The following RANBP9 variants were observed in gnomAD, a reference collection of about 807,000 sequenced individuals.
RANBP9 encodes ran-binding protein 9.
In RANBP9, 15 loss-of-function variants were observed where a neutral mutation model predicts 84.3. The ratio of observed to expected loss-of-function variants is 0.18; its 90% CI spans 0.12 to 0.27. The LOEUF is 0.27. Ranked by LOEUF, RANBP9 falls within the 10% of genes least tolerant of loss-of-function variation. The pLI is 1.00. For synonymous variants in RANBP9, 392 were observed against 349.6 expected, an observed-to-expected ratio of 1.12 and a Z score of -1.35; for missense variants, 809 against 912.8, an observed-to-expected ratio of 0.89 and a Z score of 1.46.
intron 12 of RANBP9, 82 bp from the exon 13 acceptor site, chr6:13,625,846 A>C: frequency 1.0e-6 from 1 of 989,220 alleles, no homozygotes; most frequent in Admixed American, 1.7e-5. Context: ...GAGAGGTAAA[A>C]TATGGCTTCC....
intron 2 of RANBP9, among the ~76,000 whole-genome samples, chr6:13,674,988 G>A (rs1291779119): frequency 2.0e-5 from 3 of 152,162 alleles, no homozygotes; most frequent in African/African-American, 4.8e-5. Context: ...ATGTGTCTGA[G>A]CCTAACAACA....
rs566698165 is a variant in RANBP9 at position 13,646,332 on chromosome 6, C to T, written c.928-1603G>A. Among the ~76,000 whole-genome samples, 92 of 152,198 alleles carry T rather than the reference C, an allele frequency of 6.0e-4. 1 individual carries two copies. The South Asian group carries it at 0.016, about 27-fold the overall frequency. ...GCTGAGGAAGGATAATCGCTTGAACCGGGGATGGGGAGGTTCTGGTGAGCC... is the reference window on the plus strand; with the variant it reads ...GCTGAGGAAGGATAATCGCTTGAACTGGGGATGGGGAGGTTCTGGTGAGCC... On this transcript the variant is annotated intron_variant, in intron 5 of 13. Transcript: ENST00000011619.
intron 10 of RANBP9, 111 bp from the exon 11 acceptor site, chr6:13,634,663 A>G (rs1764891228): frequency 9.6e-7 from 1 of 1,038,792 alleles, no homozygotes; most frequent in Non-Finnish European, 1.3e-6. Context: ...TCATAAGGCA[A>G]CAGAAATCTG....
Position 13,681,025 on chromosome 6 carries a change from G to A in RANBP9, c.683+15760C>T, listed in dbSNP as rs544287818. ...ATCAGAATAAAGATAACAGTATAGT[G>A]TATGCAAATGTTATATGCTCATAAA... On this transcript the variant is annotated intron_variant, in intron 2 of 13. Coordinates refer to ENST00000011619, the MANE Select transcript of RANBP9 (RefSeq NM_005493.3). Among the ~76,000 whole-genome samples, 14 of 152,202 alleles carry A rather than the reference G, an allele frequency of 9.2e-5. No homozygotes were observed. The East Asian group carries it at 2.5e-3, about 27-fold the overall frequency.
intron 1 of RANBP9, among the ~76,000 whole-genome samples, chr6:13,709,696 C>T (rs1431881397): frequency 1.3e-5 from 2 of 152,154 alleles, no homozygotes; most frequent in African/African-American, 4.8e-5. Flanking sequence ...TTCAACAAGG[C>T]CTATTTTTGT....
intron 2 of RANBP9, among the ~76,000 whole-genome samples, chr6:13,677,931 A>G (rs1331046833): frequency 1.3e-5 from 2 of 152,096 alleles, no homozygotes; most frequent in Admixed American, 6.6e-5. Context: ...TGGTCTGGGC[A>G]ACAAGGCAAA....
intron 2 of RANBP9, among the ~76,000 whole-genome samples, chr6:13,669,927 A>G (rs1242168118): frequency 6.6e-6 from 1 of 151,932 alleles, no homozygotes; most frequent in Non-Finnish European, 1.5e-5. Flanking sequence ...GGAAAAAACA[A>G]TCCAGTGGGG....
intron 1 of RANBP9, among the ~76,000 whole-genome samples, chr6:13,708,282 C>G (rs1353507145): frequency 6.6e-6 from 1 of 152,062 alleles, no homozygotes; most frequent in Non-Finnish European, 1.5e-5. Flanking sequence ...ACAACTTAGC[C>G]CAGCATAGTG....
intron 2 of RANBP9, among the ~76,000 whole-genome samples, chr6:13,689,970 A>ACCAGGTATGTAGTAGGTACAGC (rs2113346211): frequency 6.6e-6 from 1 of 152,284 alleles, no homozygotes; most frequent in Admixed American, 6.5e-5. Flanking sequence ...TGTTGGACAG[A>ACCAGGTATGTAGTAGGTACAGC]CCAGGTATGT....
chr6:13,650,170 T>G (rs1765264896), intron 5 of RANBP9, among the ~76,000 whole-genome samples: 1 of 151,248 alleles, frequency 6.6e-6, no homozygotes, highest in Non-Finnish European at 1.5e-5. Flanking sequence ...TTTTTTGTTT[T>G]TTTTTTTTTT....
At chr6:13,634,348 A>T in intron 11 of RANBP9, 83 bp downstream of exon 11, 1 of 1,487,636 alleles carries the variant, frequency 6.7e-7, no homozygotes, top group Non-Finnish European at 9.1e-7. Context: ...GTTTATGCTC[A>T]TCAGCTGTGA....
intron 1 of RANBP9, among the ~76,000 whole-genome samples, chr6:13,698,034 T>G (rs1228294441): frequency 2.0e-5 from 3 of 152,184 alleles, no homozygotes; most frequent in Non-Finnish European, 4.4e-5. Context: ...AATGAGATCA[T>G]ATCCTCCCTT....
At chr6:13,705,405 T>TAA (rs1758079701) in intron 1 of RANBP9, among the ~76,000 whole-genome samples, 1 of 21,306 alleles carries the variant, frequency 4.7e-5, no homozygotes, top group African/African-American at 2.1e-4. Flanking sequence ...AGATTCTGTC[T>TAA]CAAAAAAAAA....
chr6:13,632,312 A>G lies in RANBP9; in HGVS notation c.1947+58T>C, dbSNP rs1420398145. On this transcript the variant is annotated intron_variant, in intron 12 of 13. Transcript: ENST00000011619. ...CTGGTACACTGCTCAGTGTTTCACA[A>G]AACTACATTTTAGTTCCTCTGACAT... 4 of 1,552,556 alleles carry G rather than the reference A, an allele frequency of 2.6e-6. No homozygotes were observed. In the Admixed American group the frequency reaches 5.4e-5, roughly 21 times the overall value.
intron 10 of RANBP9, among the ~76,000 whole-genome samples, chr6:13,636,705 C>T (rs1764947110): frequency 6.6e-6 from 1 of 152,188 alleles, no homozygotes; most frequent in Non-Finnish European, 1.5e-5. Flanking sequence ...TATATCACCT[C>T]TGCTGTGAAA....
At position 13,652,641 on chromosome 6, in the gene RANBP9, T is replaced by A. The variant is rs1356316396; in HGVS notation, c.927+18A>T. 3.8e-6 allele frequency: 6 copies of A among 1,567,410 alleles called. No individual in the cohort carries two copies. Among genetic ancestry groups the A allele is most frequent in the African/African-American group, 1.4e-5 (1 of 72,794 alleles). ...CCTGTAATTAAAAATGGAAAACTGC[T>A]TTTAAAAAAAGTCTTACCGGTAGGT... On this transcript the variant is annotated intron_variant, in intron 5 of 13. Coordinates refer to ENST00000011619, the MANE Select transcript of RANBP9 (RefSeq NM_005493.3).
intron 1 of RANBP9, among the ~76,000 whole-genome samples, chr6:13,709,721 A>T (rs1472464313): frequency 6.6e-6 from 1 of 152,238 alleles, no homozygotes; most frequent in Non-Finnish European, 1.5e-5. Context: ...GATTCTTTGC[A>T]GCCAAATCAT....
intron 5 of RANBP9, among the ~76,000 whole-genome samples, chr6:13,651,403 T>G (rs758949681): frequency 1.5e-4 from 3 of 19,860 alleles, no homozygotes; most frequent in Admixed American, 1.2e-3. Context: ...TGTTTTTTTG[T>G]TTTTTTTTTG....
intron 11 of RANBP9, among the ~76,000 whole-genome samples, chr6:13,633,473 T>TGTG (rs1394870497): frequency 6.6e-6 from 1 of 152,260 alleles, no homozygotes; most frequent in Non-Finnish European, 1.5e-5. Context: ...TTTGGATTAT[T>TGTG]CATTTACTTT....
Sources: gnomAD v4.1 joint callset for allele counts (sites outside exome capture counted in the v4.1 genomes callset) on GRCh38, gnomAD v4.1.1 for gene constraint, MANE v1.5 for transcripts, NCBI Gene and HGNC (gene_info 2026-07-23, HGNC 2026-07-21) for gene names.